Variants in SYNPR observed in about 807,000 individuals in gnomAD.
SYNPR encodes the protein synaptoporin.
In SYNPR, 23 loss-of-function variants were observed where a neutral mutation model predicts 32.9. The ratio of observed to expected loss-of-function variants is 0.70; its 90% confidence interval spans 0.50 to 0.99. The LOEUF is 0.99. Ranked by LOEUF, SYNPR falls within the 50% of genes least tolerant of loss-of-function variation. The pLI is 0.00. For missense variants in SYNPR, 318 were observed against 349.3 expected (o/e 0.91, Z 0.71); for synonymous variants, 146 against 135.9 (o/e 1.07, Z -0.52).
chr3:63,319,388 A>T (rs1225518263), intron 2 of SYNPR, among the ~76,000 whole-genome samples: 1 of 151,956 alleles, frequency 6.6e-6, no homozygotes, highest in Non-Finnish European at 1.5e-5. Flanking sequence ...TTTGCTTAGG[A>T]TTGCTTTGGC....
chr3:63,433,103 G>C (rs1169301935), intron 2 of SYNPR, among the ~76,000 whole-genome samples: 1 of 152,180 alleles, frequency 6.6e-6, no homozygotes, highest in African/African-American at 2.4e-5. Context: ...AGTATTGCGT[G>C]TTATAACAGA....
intron 4 of SYNPR, among the ~76,000 whole-genome samples, chr3:63,598,732 A>G (rs751868193): frequency 2.6e-5 from 4 of 152,198 alleles, no homozygotes; most frequent in Non-Finnish European, 5.9e-5. Flanking sequence ...TTTTGGAAGC[A>G]CTGAAGCACA....
chr3:63,409,560 T>C (rs112630782), intron 2 of SYNPR, among the ~76,000 whole-genome samples: 27 of 152,278 alleles, frequency 1.8e-4, no homozygotes, highest in African/African-American at 6.3e-4. Flanking sequence ...AGGACCATGG[T>C]GGTCAAGTTC....
intron 3 of SYNPR, among the ~76,000 whole-genome samples, chr3:63,504,096 G>T (rs1325865152): frequency 6.6e-6 from 1 of 151,956 alleles, no homozygotes. Context: ...ACCTTTTAAT[G>T]AGTTATTTTA....
At chr3:63,345,605 G>T (rs1219787883) in intron 2 of SYNPR, among the ~76,000 whole-genome samples, 1 of 152,026 alleles carries the variant, frequency 6.6e-6, no homozygotes, top group Non-Finnish European at 1.5e-5. Flanking sequence ...TCTCCCTCTC[G>T]CCTAGCCTCT....
intron 4 of SYNPR, among the ~76,000 whole-genome samples, chr3:63,583,336 A>C (rs181486773): frequency 6.6e-6 from 1 of 152,250 alleles, no homozygotes; most frequent in Non-Finnish European, 1.5e-5. Context: ...TGTGCAGGCC[A>C]CAGGGGTTAC....
At chr3:63,368,610 A>G (rs753252301) in intron 2 of SYNPR, among the ~76,000 whole-genome samples, 3 of 152,172 alleles carry the variant, frequency 2.0e-5, no homozygotes, top group African/African-American at 4.8e-5. Flanking sequence ...GAGAAGCAAA[A>G]TTAGGAGAAG....
In SYNPR at chr3:63,379,598, T is replaced by C. The variant is rs143354970; in HGVS notation, c.84+100856T>C. Among the ~76,000 whole-genome samples, 1,503 of 152,294 alleles carry C rather than the reference T, an allele frequency of 9.9e-3. 29 individuals are homozygous for C. The highest frequency in any genetic ancestry group is 0.034 in the African/African-American group (1,422 of 41,580). On this transcript the variant is annotated intron_variant, in intron 2 of 5. Transcript: ENST00000478300. ...TCTTTCTGTCTTTGTTAATTTTCTT[T>C]ACTTTGAAGTTTACTTTATCTCATT...
At chr3:63,224,777 A>G (rs2106868364), upstream of SYNPR, among the ~76,000 whole-genome samples, 1 of 152,336 alleles carries the variant, frequency 6.6e-6, no homozygotes, top group Non-Finnish European at 1.5e-5. Context: ...CAGGTGTCTG[A>G]GACCCTGGCT....
chr3:63,552,183 C>T (rs1375940920), intron 3 of SYNPR, among the ~76,000 whole-genome samples: 1 of 152,130 alleles, frequency 6.6e-6, no homozygotes, highest in Non-Finnish European at 1.5e-5. Flanking sequence ...CAGGCATGAG[C>T]CACCGCACCC....
chr3:63,501,154 G>T (rs1196359142), intron 3 of SYNPR, among the ~76,000 whole-genome samples: 1 of 152,080 alleles, frequency 6.6e-6, no homozygotes, highest in Non-Finnish European at 1.5e-5. Context: ...AATTCTAAAT[G>T]TCATTATACT....
rs140233580 is a variant in SYNPR at position 63,562,436 on chromosome 3, T to C, written c.408+5695T>C. Among the ~76,000 whole-genome samples, 362 of 152,320 alleles carry C rather than the reference T, an allele frequency of 2.4e-3. 1 individual carries two copies. Among genetic ancestry groups the C allele is most frequent in the African/African-American group, 7.9e-3 (329 of 41,584 alleles). On this transcript the variant is annotated intron_variant, in intron 4 of 5. Transcript: ENST00000478300. Reference sequence around the variant, plus strand: ...TTAGGAAGAAGCTTGATATCCACCTTAAGATTTTGTGTAAAAGACAGAGGC... The same window carrying C: ...TTAGGAAGAAGCTTGATATCCACCTCAAGATTTTGTGTAAAAGACAGAGGC...
rs74326969 is a variant in SYNPR, at chr3:63,434,717, G to C, written c.85-46115G>C. Among the ~76,000 whole-genome samples, 622 of 152,308 alleles carry C rather than the reference G, an allele frequency of 4.1e-3. 4 individuals carry two copies. The highest frequency in any genetic ancestry group is 6.3e-3 in the Non-Finnish European group (432 of 68,032). On this transcript the variant is annotated intron_variant, in intron 2 of 5. Coordinates refer to ENST00000478300, the MANE Select transcript of SYNPR (RefSeq NM_001130003.2). ...GGTTCCATACCAGGCTTTAAGAAATGTGTGTTAGGAACAGCCAAACTCCTA... is the reference window on the plus strand; with the variant it reads ...GGTTCCATACCAGGCTTTAAGAAATCTGTGTTAGGAACAGCCAAACTCCTA...
At chr3:63,540,244 T>G (rs922796695) in intron 3 of SYNPR, among the ~76,000 whole-genome samples, 1 of 152,130 alleles carries the variant, frequency 6.6e-6, no homozygotes, top group Non-Finnish European at 1.5e-5. Flanking sequence ...CCTTAATTAT[T>G]AGGTAGCAAA....
chr3:63,371,620 G>A (rs532642031), intron 2 of SYNPR, among the ~76,000 whole-genome samples: 2 of 152,254 alleles, frequency 1.3e-5, no homozygotes, highest in African/African-American at 4.8e-5. Context: ...TCTAGAAGGT[G>A]CGTGGTGATT....
At chr3:63,397,884 G>GA (rs1378282831) in intron 2 of SYNPR, among the ~76,000 whole-genome samples, 1 of 152,068 alleles carries the variant, frequency 6.6e-6, no homozygotes, top group African/African-American at 2.4e-5. Context: ...TGCCTTTAAA[G>GA]AAAATAAAAA....
intron 3 of SYNPR, among the ~76,000 whole-genome samples, chr3:63,516,985 T>A (rs1701812931): frequency 6.6e-6 from 1 of 152,128 alleles, no homozygotes; most frequent in African/African-American, 2.4e-5. Context: ...CAACATTTGT[T>A]TATAAAAACG....
chr3:63,378,730 T>A (rs1560210363), intron 2 of SYNPR, among the ~76,000 whole-genome samples: 1 of 152,124 alleles, frequency 6.6e-6, no homozygotes, highest in East Asian at 1.9e-4. Context: ...ATACCCTGTC[T>A]CATTTCTAGT....
intron 2 of SYNPR, among the ~76,000 whole-genome samples, chr3:63,388,556 T>TTGTGTGTGTGTG (rs749669898): frequency 0.03 from 3,884 of 127,992 alleles, 97 homozygotes; most frequent in African/African-American, 0.046. Flanking sequence ...CCCGGCTAAT[T>TTGTGTGTGTGTG]TGTGTGTGTG....
Sources: allele counts gnomAD v4.1 joint callset (sites outside exome capture counted in the v4.1 genomes callset), GRCh38; gene constraint gnomAD v4.1.1; transcripts MANE v1.5; gene names NCBI Gene and HGNC (gene_info 2026-07-23, HGNC 2026-07-21).